TAF4B: variants seen among roughly 807,000 people sequenced by gnomAD.
TAF4B encodes the protein transcription initiation factor TFIID subunit 4B.
TAF4B carries 38 observed loss-of-function variants against 86.4 expected under a neutral mutation model. That is an observed-to-expected ratio of 0.44 (90% confidence interval 0.34 to 0.58). The LOEUF is 0.58. TAF4B is among the 20% of genes least tolerant of loss of function. TAF4B has a pLI of 0.02. For missense variants in TAF4B, 988 were observed against 1,027.6 expected, an observed-to-expected ratio of 0.96 and a Z score of 0.53; for synonymous variants, 388 against 391.2, an observed-to-expected ratio of 0.99 and a Z score of 0.10.
rs371327757 is a variant in TAF4B, at chr18:26,251,071, A to C, written c.344-14099A>C. Among the ~76,000 whole-genome samples the C allele has an allele frequency of 3.9e-5, 6 of 152,340 alleles. No individual in the cohort carries two copies. In the East Asian group the frequency reaches 1.2e-3, roughly 29 times the overall value. On this transcript the variant is annotated intron_variant, in intron 1 of 14. Transcript: ENST00000269142. Reference sequence around the variant, plus strand: ...TTTGGCCTCTAGTGCCTGAGGAAGGAAACAACTTAGCGTCTAAGTGTTTCC... The same window carrying C: ...TTTGGCCTCTAGTGCCTGAGGAAGGCAACAACTTAGCGTCTAAGTGTTTCC...
intron 13 of TAF4B, among the ~76,000 whole-genome samples, chr18:26,356,632 A>T (rs1334024535): frequency 2.6e-5 from 4 of 152,132 alleles, no homozygotes; most frequent in African/African-American, 7.2e-5. Context: ...ATCTTGTTTG[A>T]ATATGTGACT....
intron 11 of TAF4B, among the ~76,000 whole-genome samples, chr18:26,321,509 T>C (rs2144676947): frequency 6.6e-6 from 1 of 150,904 alleles, no homozygotes; most frequent in East Asian, 1.9e-4. Context: ...GCTACTTGTG[T>C]TCTCTTCAGT....
At position 26,337,870 on chromosome 18, in the gene TAF4B, T is replaced by C. The variant is rs79193669; in HGVS notation, c.2316+2639T>C. Among the ~76,000 whole-genome samples the C allele has an allele frequency of 3.6e-3, 544 of 152,348 alleles. 2 individuals carry two copies. The East Asian group carries it at 0.039, about 11-fold the overall frequency. On this transcript the variant is annotated intron_variant, in intron 13 of 14. Transcript: ENST00000269142. Reference sequence around the variant, plus strand: ...GTATTTGGCTGTCTGAGAAGTTTTCTTTGTTCACTCATGAATTTTTTATTT... The same window carrying C: ...GTATTTGGCTGTCTGAGAAGTTTTCCTTGTTCACTCATGAATTTTTTATTT...
intron 9 of TAF4B, among the ~76,000 whole-genome samples, chr18:26,298,185 G>T (rs1236578549): frequency 6.6e-6 from 1 of 151,460 alleles, no homozygotes; most frequent in African/African-American, 2.4e-5. Context: ...TGAAATATGT[G>T]TTCAAATATT....
At chr18:26,236,363 C>G (rs558355225) in intron 1 of TAF4B, among the ~76,000 whole-genome samples, 12 of 152,088 alleles carry the variant, frequency 7.9e-5, no homozygotes, top group Non-Finnish European at 1.2e-4. Flanking sequence ...GAGAAGGCCG[C>G]GCTGGTGACC....
chr18:26,227,275 A>G lies in TAF4B; in HGVS notation c.342A>G (p.Pro114=), dbSNP rs201210120. The G allele has an allele frequency of 7.2e-5, 116 of 1,611,766 alleles. No homozygotes were observed. Among genetic ancestry groups the G allele is most frequent in the Non-Finnish European group, 9.4e-5 (111 of 1,179,090 alleles). ...IQFPANLQLP[P]GTVLIKSNSG... is the part of the protein sequence containing the mutation. ...TTCCTGCTAATTTGCAGCTTCCTCC[A>G]GGTATGTTGATAACCCTTTCCAGCC... The change falls in exon 1 of 15, where the codon CCA becomes CCG. Residue 114 remains proline (P), a splice_region_variant and synonymous_variant. Transcript: ENST00000269142.
At chr18:26,308,177 T>C (rs1035741018) in intron 9 of TAF4B, among the ~76,000 whole-genome samples, 2 of 151,850 alleles carry the variant, frequency 1.3e-5, no homozygotes, top group African/African-American at 4.8e-5. Flanking sequence ...TGACCTGAGC[T>C]CCGGAAGTGA....
rs1296981121 is a variant in TAF4B, at chr18:26,274,841, A to G, written c.759+17A>G. 6.2e-7 allele frequency: 1 copy of G among 1,614,118 alleles called. No homozygotes were observed. Among genetic ancestry groups the G allele is most frequent in the Non-Finnish European group, 8.5e-7 (1 of 1,179,982 alleles). ...CTTTCTCCGGTAAGCTCTTACTTGC[A>G]CCTTACATAAATCTTGTTCCTTGCA... On this transcript the variant is annotated intron_variant, in intron 4 of 14. Coordinates refer to ENST00000269142, the MANE Select transcript of TAF4B (RefSeq NM_005640.3).
At chr18:26,387,612 T>TACAC (rs1978449373) in intron 14 of TAF4B, among the ~76,000 whole-genome samples, 1 of 152,148 alleles carries the variant, frequency 6.6e-6, no homozygotes, top group Non-Finnish European at 1.5e-5. Context: ...ACCAGAGGCT[T>TACAC]ACACTTGTAC....
chr18:26,315,113 T>C (rs1290603770), intron 9 of TAF4B, 116 bp from the exon 10 acceptor site: 1 of 237,180 alleles, frequency 4.2e-6, no homozygotes, highest in Non-Finnish European at 6.6e-6. Flanking sequence ...TCTCTCTCTC[T>C]CTCTCTCTCT....
intron 14 of TAF4B, among the ~76,000 whole-genome samples, chr18:26,378,901 C>T (rs1045215379): frequency 2.6e-5 from 4 of 152,030 alleles, no homozygotes; most frequent in Non-Finnish European, 4.4e-5. Flanking sequence ...GCTGAGTTGT[C>T]TTCTGTTGTG....
At chr18:26,389,357 G>A (rs1032923198) in intron 14 of TAF4B, among the ~76,000 whole-genome samples, 1 of 152,134 alleles carries the variant, frequency 6.6e-6, no homozygotes, top group African/African-American at 2.4e-5. Flanking sequence ...TGGCCTGGTG[G>A]GATCTGAACC....
chr18:26,383,548 C>A (rs1978303618), intron 14 of TAF4B, among the ~76,000 whole-genome samples: 1 of 152,146 alleles, frequency 6.6e-6, no homozygotes, highest in South Asian at 2.1e-4. Flanking sequence ...AATTGGAAAT[C>A]ATTAAGAAAT....
chr18:26,382,945 G>A (rs1365401873), intron 14 of TAF4B, among the ~76,000 whole-genome samples: 1 of 152,176 alleles, frequency 6.6e-6, no homozygotes, highest in African/African-American at 2.4e-5. Flanking sequence ...GGGGACACTT[G>A]ATATCCTAGC....
At chr18:26,349,963 A>G (rs1411782536) in intron 13 of TAF4B, among the ~76,000 whole-genome samples, 1 of 152,218 alleles carries the variant, frequency 6.6e-6, no homozygotes, top group Non-Finnish European at 1.5e-5. Flanking sequence ...TACCAGGGAA[A>G]GCATGTTCTC....
intron 14 of TAF4B, among the ~76,000 whole-genome samples, chr18:26,362,293 T>C (rs1187470410): frequency 6.6e-6 from 1 of 152,222 alleles, no homozygotes; most frequent in Non-Finnish European, 1.5e-5. Flanking sequence ...TTAATTAGTG[T>C]CTGGTCTCAA....
intron 1 of TAF4B, among the ~76,000 whole-genome samples, chr18:26,253,350 CT>C (rs1467146614): frequency 1.3e-5 from 2 of 152,012 alleles, no homozygotes; most frequent in East Asian, 3.8e-4. Flanking sequence ...TGTTTTTTGT[CT>C]TTCATTCTAT....
At chr18:26,243,965 C>G (rs1042501989) in intron 1 of TAF4B, among the ~76,000 whole-genome samples, 5 of 152,232 alleles carry the variant, frequency 3.3e-5, no homozygotes, top group African/African-American at 4.8e-5. Context: ...AGAGGGGCAC[C>G]TGGCTGTATG....
rs76403252 is a variant in TAF4B, at chr18:26,378,866, A to G, written c.2422-10979A>G. Among the ~76,000 whole-genome samples, 310 of 152,268 alleles carry G rather than the reference A, an allele frequency of 2.0e-3. 2 individuals carry two copies. Among genetic ancestry groups the G allele is most frequent in the African/African-American group, 7.3e-3 (302 of 41,564 alleles). ...TTTTTGAGATTTATTCACATTATGCATATCAGTAGTACATTCTTTTTAGTG... is the reference window on the plus strand; with the variant it reads ...TTTTTGAGATTTATTCACATTATGCGTATCAGTAGTACATTCTTTTTAGTG... On this transcript the variant is annotated intron_variant, in intron 14 of 14. Coordinates refer to ENST00000269142, the MANE Select transcript of TAF4B (RefSeq NM_005640.3).
Sources: gnomAD v4.1 joint callset for allele counts (sites outside exome capture counted in the v4.1 genomes callset) on GRCh38, gnomAD v4.1.1 for gene constraint, MANE v1.5 for transcripts, NCBI Gene and HGNC (gene_info 2026-07-23, HGNC 2026-07-21) for gene names.